ACER2: variants seen among roughly 807,000 people sequenced by gnomAD.
ACER2 encodes the protein alkCDase 2.
In ACER2, 26 loss-of-function variants were observed where a neutral mutation model predicts 34.7. The observed-to-expected ratio is 0.75, with a 90% CI of 0.55 to 1.04. The LOEUF (loss-of-function observed/expected upper bound fraction) is 1.04, where lower values mean the gene tolerates loss of function less well. ACER2 is among the 50% of genes least tolerant of loss of function. The pLI, the probability that ACER2 is intolerant of heterozygous loss-of-function variation, is 0.00. For synonymous variants in ACER2, 138 were observed against 132.1 expected, an observed-to-expected ratio of 1.04 and a Z score of -0.31; for missense variants, 352 against 340.8, an observed-to-expected ratio of 1.03 and a Z score of -0.26.
At chr9:19,426,986 G>A (rs1044533171) in intron 3 of ACER2, among the ~76,000 whole-genome samples, 26 of 152,218 alleles carry the variant, frequency 1.7e-4, no homozygotes, top group African/African-American at 6.3e-4. Context: ...TGGGGAAGAT[G>A]TGAAGATATA....
chr9:19,444,765 AGT>A (rs1242201635), intron 4 of ACER2, among the ~76,000 whole-genome samples: 3 of 152,172 alleles, frequency 2.0e-5, no homozygotes, highest in Admixed American at 6.5e-5. Context: ...CAAGGTAGAG[AGT>A]GGTAATCGAA....
Position 19,436,204 on chromosome 9 carries a change from A to G in ACER2, c.503+1120A>G, listed in dbSNP as rs991089116. On this transcript the variant is annotated intron_variant, in intron 4 of 5. Transcript: ENST00000340967. Reference sequence around the variant, plus strand: ...AGTATTGGGATTGCAGGTGTGAGCCACTGCAGCCAGCCTGCCCTTCCTTCT... The same window carrying G: ...AGTATTGGGATTGCAGGTGTGAGCCGCTGCAGCCAGCCTGCCCTTCCTTCT... 2.0e-5 allele frequency among the ~76,000 whole-genome samples: 3 copies of G among 151,860 alleles called. No homozygotes were observed. The South Asian group carries it at 6.2e-4, about 31-fold the overall frequency.
chr9:19,424,573 CT>C (rs1563877588), intron 2 of ACER2, 126 bp from the exon 3 acceptor site: 1 of 1,491,154 alleles, frequency 6.7e-7, no homozygotes, highest in East Asian at 2.3e-5. Context: ...TCTTCAGTTT[CT>C]TTTTTCAGAG....
intron 3 of ACER2, among the ~76,000 whole-genome samples, chr9:19,430,177 A>G (rs945410609): frequency 4.0e-5 from 6 of 151,746 alleles, no homozygotes; most frequent in Admixed American, 2.0e-4. Context: ...GTCTGAAAAC[A>G]AAGCTTTACT....
intron 1 of ACER2, among the ~76,000 whole-genome samples, chr9:19,414,863 T>C (rs910215921): frequency 1.4e-5 from 2 of 140,968 alleles, no homozygotes; most frequent in Non-Finnish European, 1.5e-5. Context: ...AAAAAAAAAA[T>C]TGTAGCCCTT....
intron 4 of ACER2, among the ~76,000 whole-genome samples, chr9:19,445,576 A>C (rs993921091): frequency 1.3e-5 from 2 of 152,232 alleles, no homozygotes; most frequent in Non-Finnish European, 2.9e-5. Context: ...GCAAAGATTT[A>C]CATGTGAGGG....
At chr9:19,413,955 C>T (rs1465095605) in intron 1 of ACER2, among the ~76,000 whole-genome samples, 2 of 152,114 alleles carry the variant, frequency 1.3e-5, no homozygotes, top group East Asian at 1.9e-4. Flanking sequence ...ATTCCAGAGA[C>T]CAGCTCTGTA....
intron 4 of ACER2, among the ~76,000 whole-genome samples, chr9:19,438,881 A>G (rs1831056044): frequency 6.6e-6 from 1 of 151,776 alleles, no homozygotes; most frequent in Admixed American, 6.6e-5. Context: ...GAACTCCTGC[A>G]CTTAGGTAAT....
intron 3 of ACER2, among the ~76,000 whole-genome samples, chr9:19,426,402 C>T (rs1830574149): frequency 7.5e-5 from 11 of 146,512 alleles, no homozygotes; most frequent in East Asian, 2.0e-4. Context: ...CCTCCTTTCC[C>T]TTCCCCTCCT....
rs1830396413 is a variant in ACER2 at position 19,421,244 on chromosome 9, AT to A, written c.109-2614del. ...GTGGCTCATTGTTGACTGAAATGTC[AT>A]TTTGTTGCAAATAATGATACTATCA... On this transcript the variant is annotated intron_variant, in intron 1 of 5. Transcript: ENST00000340967. 2.6e-5 allele frequency among the ~76,000 whole-genome samples: 4 copies of A among 152,372 alleles called. No homozygotes were observed. The South Asian group carries it at 8.3e-4, about 32-fold the overall frequency.
intron 2 of ACER2, chr9:19,424,465 G>T (rs1347134257): frequency 1.0e-6 from 1 of 985,230 alleles, no homozygotes; most frequent in African/African-American, 1.7e-5. Flanking sequence ...GCGTTTAACT[G>T]TGGAATTGTT....
chr9:19,434,992 G>T lies in ACER2; in HGVS notation c.411G>T (p.Thr137=). 3 of 1,614,144 alleles carry T rather than the reference G, an allele frequency of 1.9e-6. No homozygotes were observed. The highest frequency in any genetic ancestry group is 2.5e-6 in the Non-Finnish European group (3 of 1,180,030). ...VVVSVLSAVT[T]CLAFVKPAIN... is the part of the protein sequence containing the mutation. ...TCAGTGTCCTGTCTGCGGTTACGAC[G>T]TGCCTGGCATTTGTCAAGCCTGCCA... is the stretch of plus-strand genomic sequence containing the variant. Residue 137 remains threonine (T), a synonymous_variant, in exon 4 of 6, where the codon ACG becomes ACT. Transcript: ENST00000340967.
In ACER2 at chr9:19,450,438, C is replaced by G. The variant is rs773979727; in HGVS notation, c.642-12C>G. The G allele has an allele frequency of 1.0e-5, 16 of 1,576,884 alleles. No homozygotes were observed. Among genetic ancestry groups the G allele is most frequent in the Non-Finnish European group, 1.3e-5 (15 of 1,151,798 alleles). ...TGCTCATCAGGTTCTCACCTCTTGT[C>G]TCCCTCTGCAGGCACATCCTCATCT... On this transcript the variant is annotated splice_polypyrimidine_tract_variant and intron_variant, in intron 5 of 5. Transcript: ENST00000340967.
chr9:19,442,076 T>G (rs1365266920), intron 4 of ACER2, among the ~76,000 whole-genome samples: 1 of 152,220 alleles, frequency 6.6e-6, no homozygotes, highest in East Asian at 1.9e-4. Context: ...GAACTCTCCC[T>G]TAGACCATGA....
At chr9:19,429,431 A>G (rs1830683135) in intron 3 of ACER2, among the ~76,000 whole-genome samples, 1 of 152,090 alleles carries the variant, frequency 6.6e-6, no homozygotes, top group African/African-American at 2.4e-5. Context: ...TCCTGCGCTC[A>G]AGTGATCCTC....
chr9:19,429,504 G>A (rs1830685018), intron 3 of ACER2, among the ~76,000 whole-genome samples: 1 of 151,872 alleles, frequency 6.6e-6, no homozygotes, highest in African/African-American at 2.4e-5. Context: ...GCTAATTTTT[G>A]TATTTTTTGT....
intron 4 of ACER2, among the ~76,000 whole-genome samples, chr9:19,439,530 A>G (rs1831078334): frequency 6.6e-6 from 1 of 152,074 alleles, no homozygotes; most frequent in South Asian, 2.1e-4. Context: ...GTTTTAGTAG[A>G]GACCCAGCCT....
At chr9:19,447,903 A>C (rs569718064) in intron 5 of ACER2, among the ~76,000 whole-genome samples, 87 of 152,092 alleles carry the variant, frequency 5.7e-4, no homozygotes, top group African/African-American at 1.9e-3. Context: ...AATTATTAAC[A>C]GTCTGATGTA....
chr9:19,438,612 C>T (rs1831047528), intron 4 of ACER2, among the ~76,000 whole-genome samples: 1 of 152,186 alleles, frequency 6.6e-6, no homozygotes, highest in Non-Finnish European at 1.5e-5. Context: ...TTGTAGCATG[C>T]AGTCCAGTGA....
Sources: gnomAD v4.1 joint callset for allele counts (sites outside exome capture counted in the v4.1 genomes callset) on GRCh38, gnomAD v4.1.1 for gene constraint, MANE v1.5 for transcripts, NCBI Gene and HGNC (gene_info 2026-07-23, HGNC 2026-07-21) for gene names.